SLC25A46: variants seen among roughly 807,000 people sequenced by gnomAD.
SLC25A46 encodes the protein mitochondrial outer membrane protein SLC25A46.
A neutral mutation model predicts 44.6 loss-of-function variants in SLC25A46; 39 were observed. That is an observed-to-expected ratio of 0.87 (90% CI 0.68 to 1.14). SLC25A46 has a LOEUF of 1.14. Ranked by LOEUF, SLC25A46 falls within the 50% of genes most tolerant of loss-of-function variation. SLC25A46 has a pLI of 0.00. For synonymous variants in SLC25A46, 202 were observed against 185.8 expected, an observed-to-expected ratio of 1.09 and a Z score of -0.71; for missense variants, 547 against 522.7, an observed-to-expected ratio of 1.05 and a Z score of -0.45.
Position 110,739,060 on chromosome 5 carries a change from CGTGGTGGCCCCGGTG to C in SLC25A46, c.-52_-38del. 6.6e-7 allele frequency: 1 copy of C among 1,524,526 alleles called. No homozygotes were observed. Among genetic ancestry groups the C allele is most frequent in the Admixed American group, 2.2e-5 (1 of 46,476 alleles). The allele number at this position is 1,524,526 out of a possible 1,614,324, so 94.4% of individuals were successfully genotyped here. On this transcript the variant is annotated 5_prime_UTR_variant, in exon 1 of 8. Coordinates refer to ENST00000355943, the MANE Select transcript of SLC25A46 (RefSeq NM_138773.4). ...GACGGGAAGCTGTGTGTGCTTAGGT[CGTGGTGGCCCCGGTG>C]GTGGTGGGCTCCGGGCGGGCTCGCG... is the stretch of plus-strand genomic sequence containing the variant.
At chr5:110,758,080 C>G (rs1800159541) in intron 7 of SLC25A46, among the ~76,000 whole-genome samples, 1 of 152,084 alleles carries the variant, frequency 6.6e-6, no homozygotes, top group South Asian at 2.1e-4. Context: ...TTGTTTCCTG[C>G]TTCAAGTTCC....
chr5:110,747,026 G>C (rs1203741356), intron 4 of SLC25A46, among the ~76,000 whole-genome samples: 1 of 152,140 alleles, frequency 6.6e-6, no homozygotes, highest in African/African-American at 2.4e-5. Context: ...TGTTGAAGGT[G>C]TTTTAGCCAT....
chr5:110,756,629 A>T, intron 6 of SLC25A46, 73 bp from the exon 7 acceptor site: 1 of 972,754 alleles, frequency 1.0e-6, no homozygotes, highest in Non-Finnish European at 1.6e-6. Flanking sequence ...TTGACATATT[A>T]AAGCAGATAT....
At chr5:110,748,870 G>A (rs542065024) in intron 5 of SLC25A46, among the ~76,000 whole-genome samples, 1 of 152,120 alleles carries the variant, frequency 6.6e-6, no homozygotes, top group Non-Finnish European at 1.5e-5. Flanking sequence ...ATTAAAATAC[G>A]ATTGTGCCTT....
chr5:110,758,154 T>C (rs1488477207), intron 7 of SLC25A46, among the ~76,000 whole-genome samples: 2 of 152,170 alleles, frequency 1.3e-5, no homozygotes, highest in Non-Finnish European at 2.9e-5. Context: ...TTTAGATTTC[T>C]CTCTCTTGAA....
intron 1 of SLC25A46, 116 bp from the exon 2 acceptor site, chr5:110,741,931 A>G: frequency 1.5e-6 from 1 of 687,770 alleles, no homozygotes; most frequent in Non-Finnish European, 2.4e-6. Context: ...TGAGGTTTAA[A>G]TGAACAGCAG....
chr5:110,746,274 TTACCA>T lies in SLC25A46; in HGVS notation c.392_396del (p.Tyr131CysfsTer25). ...ATGAAATATCTTTTTTACAGGTTAA[TTACCA>T]TGCTCAGCATTACCATCTCACTCCA... On this transcript the variant is annotated frameshift_variant, in exon 4 of 8. Transcript: ENST00000355943. LOFTEE classifies it high-confidence loss of function. The T allele has an allele frequency of 6.3e-7, 1 of 1,580,128 alleles. No individual in the cohort carries two copies. Among genetic ancestry groups the T allele is most frequent in the Admixed American group, 1.9e-5 (1 of 52,602 alleles).
intron 6 of SLC25A46, chr5:110,756,250 T>TTAA (rs1800108846): frequency 6.6e-6 from 1 of 152,112 alleles, no homozygotes; most frequent in Non-Finnish European, 1.5e-5. Flanking sequence ...TTTTTTTTTT[T>TTAA]TAATAATAAA....
chr5:110,749,515 AG>A (rs573440195), intron 5 of SLC25A46, among the ~76,000 whole-genome samples: 162 of 140,650 alleles, frequency 1.2e-3, no homozygotes, highest in African/African-American at 3.8e-3. Context: ...AGCGGTGGGA[AG>A]GGGGGTAGTT....
chr5:110,757,666 T>C (rs2150416688), intron 7 of SLC25A46, among the ~76,000 whole-genome samples: 1 of 152,288 alleles, frequency 6.6e-6, no homozygotes, highest in South Asian at 2.1e-4. Context: ...CAAATCATAC[T>C]TTCCCTTCCC....
rs1554092057 is a variant in SLC25A46, at chr5:110,746,275, T to C, written c.391T>C (p.Tyr131His). The change falls in exon 4 of 8, where the codon TAC becomes CAC. Residue 131 changes from tyrosine to histidine, a missense_variant. Coordinates refer to ENST00000355943, the MANE Select transcript of SLC25A46 (RefSeq NM_138773.4). ...TGAAATATCTTTTTTACAGGTTAATTACCATGCTCAGCATTACCATCTCAC... is the reference window on the plus strand; with the variant it reads ...TGAAATATCTTTTTTACAGGTTAATCACCATGCTCAGCATTACCATCTCAC... ...IVLRRQCQVNYHAQHYHLTPF... is the reference protein window; with the variant it reads ...IVLRRQCQVNHHAQHYHLTPF... The C allele has an allele frequency of 1.9e-6, 3 of 1,579,990 alleles. No individual in the cohort carries two copies. In the South Asian group the frequency reaches 3.5e-5, roughly 18 times the overall value.
Position 110,743,830 on chromosome 5 carries a change from C to G in SLC25A46, c.384+43C>G. ...GATCTTTTGAAGCAATACTTCTGACCCTAATATGAAGGGCAGAACTCACAT... is the reference window on the plus strand; with the variant it reads ...GATCTTTTGAAGCAATACTTCTGACGCTAATATGAAGGGCAGAACTCACAT... On this transcript the variant is annotated intron_variant, in intron 3 of 7. Coordinates refer to ENST00000355943, the MANE Select transcript of SLC25A46 (RefSeq NM_138773.4). The G allele has an allele frequency of 2.0e-6, 3 of 1,469,526 alleles. No individual in the cohort carries two copies. The South Asian group carries it at 3.6e-5, about 18-fold the overall frequency. The allele number at this position is 1,469,526 out of a possible 1,614,324, so 91.0% of individuals were successfully genotyped here.
At chr5:110,742,186 G>T in intron 2 of SLC25A46, 97 bp downstream of exon 2, 3 of 829,358 alleles carry the variant, frequency 3.6e-6, no homozygotes, top group South Asian at 4.6e-5. Flanking sequence ...GCTTCCTTTA[G>T]GTTGTTTCTT....
chr5:110,751,910 C>A (rs1799975896), intron 5 of SLC25A46, among the ~76,000 whole-genome samples: 1 of 152,100 alleles, frequency 6.6e-6, no homozygotes, highest in African/African-American at 2.4e-5. Context: ...GTGTGAATAT[C>A]TTTTAAAAAA....
chr5:110,739,347 C>T lies in SLC25A46; in HGVS notation c.228C>T (p.Pro76=). 1 of 1,562,774 alleles carries T rather than the reference C, an allele frequency of 6.4e-7. No individual in the cohort carries two copies. The highest frequency in any genetic ancestry group is 8.7e-7 in the Non-Finnish European group (1 of 1,155,174). The change falls in exon 1 of 8, where the codon CCC becomes CCT. Residue 76 remains proline, a synonymous_variant. Coordinates refer to ENST00000355943, the MANE Select transcript of SLC25A46 (RefSeq NM_138773.4). ...VPTTSTPYEG[P]TEEPFSSGGG... ...CCACCTCCACCCCGTACGAAGGCCCCACGGAGGAACCCTTTTCCAGTGGCG... is the reference window on the plus strand; with the variant it reads ...CCACCTCCACCCCGTACGAAGGCCCTACGGAGGAACCCTTTTCCAGTGGCG...
At chr5:110,749,507 CG>C (rs11366368) in intron 5 of SLC25A46, among the ~76,000 whole-genome samples, 12,727 of 104,486 alleles carry the variant, frequency 0.12, 683 homozygotes, top group South Asian at 0.31. Flanking sequence ...TGTGTGGGAG[CG>C]GTGGGAAGGG....
At chr5:110,750,069 G>A (rs1178473664) in intron 5 of SLC25A46, among the ~76,000 whole-genome samples, 1 of 152,044 alleles carries the variant, frequency 6.6e-6, no homozygotes, top group Non-Finnish European at 1.5e-5. Context: ...GCCCAATGTT[G>A]GGATTTAGTC....
intron 6 of SLC25A46, 69 bp from the exon 7 acceptor site, chr5:110,756,633 C>A: frequency 1.0e-6 from 1 of 1,004,980 alleles, no homozygotes; most frequent in Non-Finnish European, 1.5e-6. Context: ...CATATTAAAG[C>A]AGATATTAAA....
At chr5:110,752,496 T>A (rs751346558) in intron 5 of SLC25A46, among the ~76,000 whole-genome samples, 4 of 152,182 alleles carry the variant, frequency 2.6e-5, no homozygotes, top group Non-Finnish European at 5.9e-5. Context: ...ACCCATTTGG[T>A]TCAACTCCAA....
Sources: allele counts gnomAD v4.1 joint callset (sites outside exome capture counted in the v4.1 genomes callset), GRCh38; gene constraint gnomAD v4.1.1; transcripts MANE v1.5; gene names NCBI Gene and HGNC (gene_info 2026-07-23, HGNC 2026-07-21).